Variants in ATP9B observed in about 807,000 individuals in gnomAD.
The protein encoded by ATP9B is ATPase phospholipid transporting 9B.
ATP9B carries 110 observed loss-of-function variants against 146.1 expected under a neutral mutation model. The ratio of observed to expected loss-of-function variants is 0.75; its 90% CI spans 0.65 to 0.88. The LOEUF is 0.88. ATP9B is among the 40% of genes least tolerant of loss of function. ATP9B has a pLI of 0.00. For synonymous variants in ATP9B, 604 were observed against 569.7 expected (o/e 1.06, Z -0.86); for missense variants, 1,499 against 1,496.4 (o/e 1.00, Z -0.03).
chr18:79,331,212 T>G (rs1389230940), intron 17 of ATP9B, among the ~76,000 whole-genome samples: 1 of 152,196 alleles, frequency 6.6e-6, no homozygotes, highest in Non-Finnish European at 1.5e-5. Flanking sequence ...ACCTCAGAGA[T>G]GGTCTGTCCG....
intron 11 of ATP9B, among the ~76,000 whole-genome samples, chr18:79,224,975 A>G (rs1313640507): frequency 6.6e-6 from 1 of 150,872 alleles, no homozygotes; most frequent in Non-Finnish European, 1.5e-5. Context: ...CAGTAACACA[A>G]GCACTGCTTC....
At chr18:79,331,757 G>A (rs900391028) in intron 17 of ATP9B, among the ~76,000 whole-genome samples, 1 of 152,064 alleles carries the variant, frequency 6.6e-6, no homozygotes. Context: ...GAAAGAACCA[G>A]TTTATGCAAA....
At chr18:79,166,211 G>A (rs2094962077) in intron 7 of ATP9B, among the ~76,000 whole-genome samples, 1 of 152,182 alleles carries the variant, frequency 6.6e-6, no homozygotes, top group Admixed American at 6.5e-5. Flanking sequence ...AGAGCTTGGT[G>A]GCCACCATTT....
chr18:79,094,862 T>A (rs2074654012), intron 1 of ATP9B, among the ~76,000 whole-genome samples: 1 of 152,342 alleles, frequency 6.6e-6, no homozygotes, highest in East Asian at 1.9e-4. Context: ...AATGAAAATA[T>A]GACAGGTTGT....
At chr18:79,138,768 T>C (rs2094476726) in intron 5 of ATP9B, among the ~76,000 whole-genome samples, 1 of 149,900 alleles carries the variant, frequency 6.7e-6, no homozygotes, top group African/African-American at 2.4e-5. Context: ...ATTGTTGTTC[T>C]TACATTAAAA....
intron 11 of ATP9B, among the ~76,000 whole-genome samples, chr18:79,232,032 G>C (rs886289573): frequency 6.6e-6 from 1 of 151,992 alleles, no homozygotes; most frequent in Non-Finnish European, 1.5e-5. Flanking sequence ...AGGTGGGCGA[G>C]GGATGAAAGA....
At chr18:79,100,202 G>A (rs1290692922) in intron 2 of ATP9B, among the ~76,000 whole-genome samples, 2 of 152,186 alleles carry the variant, frequency 1.3e-5, no homozygotes, top group Admixed American at 1.3e-4. Context: ...ACAACTTGTA[G>A]CAAATTTTCT....
At chr18:79,162,318 A>G (rs1442252103) in intron 7 of ATP9B, among the ~76,000 whole-genome samples, 1 of 152,216 alleles carries the variant, frequency 6.6e-6, no homozygotes, top group East Asian at 1.9e-4. Context: ...ATTGTTTAGA[A>G]TGTAAATGAA....
intron 6 of ATP9B, among the ~76,000 whole-genome samples, chr18:79,147,155 C>T (rs2094604654): frequency 6.6e-6 from 1 of 152,128 alleles, no homozygotes; most frequent in Non-Finnish European, 1.5e-5. Flanking sequence ...CAGGAAGATA[C>T]AATGATCATA....
At chr18:79,269,891 C>G (rs1051481505) in intron 12 of ATP9B, among the ~76,000 whole-genome samples, 1 of 152,228 alleles carries the variant, frequency 6.6e-6, no homozygotes, top group East Asian at 1.9e-4. Context: ...GAGGCGCATC[C>G]TTGCCTCCAT....
At chr18:79,198,925 A>G (rs2095441010) in intron 9 of ATP9B, among the ~76,000 whole-genome samples, 1 of 152,106 alleles carries the variant, frequency 6.6e-6, no homozygotes, top group African/African-American at 2.4e-5. Flanking sequence ...TGTTTTTCTT[A>G]AATAGTAAAT....
At chr18:79,209,924 A>C (rs1173032075) in intron 10 of ATP9B, among the ~76,000 whole-genome samples, 1 of 152,184 alleles carries the variant, frequency 6.6e-6, no homozygotes, top group East Asian at 1.9e-4. Context: ...TATTCTTTGT[A>C]ATTGATTACA....
intron 12 of ATP9B, among the ~76,000 whole-genome samples, chr18:79,263,300 C>T (rs573621904): frequency 6.6e-6 from 1 of 152,208 alleles, no homozygotes; most frequent in Non-Finnish European, 1.5e-5. Context: ...CCAAGTCCCA[C>T]AGTGGGCCCT....
chr18:79,182,033 C>A (rs1211228708), intron 8 of ATP9B, among the ~76,000 whole-genome samples: 2 of 152,114 alleles, frequency 1.3e-5, no homozygotes, highest in Non-Finnish European at 2.9e-5. Flanking sequence ...TAAAGCATCT[C>A]GATCTTTATT....
At chr18:79,098,076 A>G (rs1186215052) in intron 2 of ATP9B, among the ~76,000 whole-genome samples, 1 of 143,816 alleles carries the variant, frequency 7.0e-6, no homozygotes, top group Non-Finnish European at 1.5e-5. Flanking sequence ...GCCCTCAGAA[A>G]TAACGCCACA....
chr18:79,179,187 T>C (rs1356065281), intron 8 of ATP9B, among the ~76,000 whole-genome samples: 1 of 152,208 alleles, frequency 6.6e-6, no homozygotes, highest in Non-Finnish European at 1.5e-5. Context: ...TCACTCCCAA[T>C]ATTGGTAGTT....
chr18:79,094,380 CT>C (rs2074607981), intron 1 of ATP9B, among the ~76,000 whole-genome samples: 1 of 152,144 alleles, frequency 6.6e-6, no homozygotes, highest in South Asian at 2.1e-4. Flanking sequence ...CAGCTTTATG[CT>C]TTCTGAAAGT....
chr18:79,280,458 G>A (rs918535177), intron 13 of ATP9B, among the ~76,000 whole-genome samples: 1 of 152,036 alleles, frequency 6.6e-6, no homozygotes, highest in Non-Finnish European at 1.5e-5. Context: ...CTACATAAAA[G>A]GTTCAATTCA....
chr18:79,128,219 C>T (rs748624527), intron 5 of ATP9B, among the ~76,000 whole-genome samples: 37 of 151,686 alleles, frequency 2.4e-4, no homozygotes, highest in Admixed American at 1.2e-3. Context: ...GCACTGCGCC[C>T]GGGTGATTTT....
Sources: allele counts gnomAD v4.1 joint callset (sites outside exome capture counted in the v4.1 genomes callset), GRCh38; gene constraint gnomAD v4.1.1; transcripts MANE v1.5; gene names NCBI Gene and HGNC (gene_info 2026-07-23, HGNC 2026-07-21).